The following PLAGL1 variants were observed in gnomAD, a reference collection of about 807,000 sequenced individuals.
PLAGL1 encodes zinc finger protein PLAGL1.
A neutral mutation model predicts 4.6 loss-of-function variants in PLAGL1; 1 was observed. The observed-to-expected ratio is 0.22, with a 90% CI of 0.08 to 1.03. PLAGL1 has a LOEUF of 1.03. PLAGL1 is among the 50% of genes least tolerant of loss of function. The probability of loss-of-function intolerance (pLI) is 0.58; values close to 1 mark genes in which losing one functional copy is unlikely to be tolerated. For synonymous variants in PLAGL1, 240 were observed against 237.8 expected (o/e 1.01, Z -0.08); for missense variants, 464 against 570.4 (o/e 0.81, Z 1.90).
At chr6:144,011,980 G>T (rs966115573), upstream of PLAGL1, among the ~76,000 whole-genome samples, 1 of 152,180 alleles carries the variant, frequency 6.6e-6, no homozygotes, top group Non-Finnish European at 1.5e-5. This position sits in a 1 kb window ranked among gnomAD's most constrained non-coding sequence, Gnocchi z 4.3. Flanking sequence ...GGGGACGTTT[G>T]TGAGAATTCT....
At position 143,971,852 on chromosome 6, in the gene PLAGL1, T is replaced by C. The variant is rs1206915112; in HGVS notation, c.-543-2874A>G. Among the ~76,000 whole-genome samples the C allele has an allele frequency of 6.6e-6, 1 of 152,240 alleles. No individual in the cohort carries two copies. Among genetic ancestry groups the C allele is most frequent in the Admixed American group, 6.5e-5 (1 of 15,274 alleles). On this transcript the variant is annotated intron_variant, in intron 2 of 7. Transcript: ENST00000674357. This position sits in a 1 kb window ranked among gnomAD's most constrained non-coding sequence, Gnocchi z 4.7. ...AAGTAAAAGTCTACAAAATTCTAAA[T>C]GAAAAGTTTTTTCATCTCATTAATG...
At chr6:144,044,085 T>C (rs1016890602) in intron 1 of PLAGL1, among the ~76,000 whole-genome samples, 1 of 152,218 alleles carries the variant, frequency 6.6e-6, no homozygotes, top group Non-Finnish European at 1.5e-5. Flanking sequence ...TTTATTAGCC[T>C]TGCTAGTGGT....
rs1292754021 is a variant in PLAGL1 at position 144,063,607 on chromosome 6, T to A, written c.-151+861A>T. 1.3e-5 allele frequency among the ~76,000 whole-genome samples: 2 copies of A among 152,196 alleles called. No homozygotes were observed. The highest frequency in any genetic ancestry group is 2.9e-5 in the Non-Finnish European group (2 of 68,022). On this transcript the variant is annotated intron_variant, in intron 1 of 3. Coordinates refer to the PLAGL1 transcript ENST00000437412. The surrounding 1 kb of genome is among the most constrained non-coding windows in gnomAD (Gnocchi z 5.7). ...TTTCGGTGGCCACACAGATGCTCAA[T>A]GCCACGACCCTTGAATAACTGCCAT... is the stretch of plus-strand genomic sequence containing the variant.
chr6:144,059,926 G>A lies in PLAGL1; in HGVS notation c.-151+4542C>T, dbSNP rs1372629623. Among the ~76,000 whole-genome samples the A allele has an allele frequency of 1.3e-5, 2 of 152,072 alleles. No homozygotes were observed. Among genetic ancestry groups the A allele is most frequent in the African/African-American group, 4.8e-5 (2 of 41,396 alleles). On this transcript the variant is annotated intron_variant, in intron 1 of 3. Coordinates refer to the PLAGL1 transcript ENST00000437412. The surrounding 1 kb of genome is among the most constrained non-coding windows in gnomAD (Gnocchi z 4.9). The stretch of plus-strand genomic sequence containing the variant: ...CCTAATGCCACTTCACTGTCCCCAG[G>A]TGGCCAAGGGTCTGAAAGGTCATTT...
chr6:143,947,073 A>G lies in PLAGL1; in HGVS notation c.152+912T>C, dbSNP rs115864115. Among the ~76,000 whole-genome samples, 636 of 152,324 alleles carry G rather than the reference A, an allele frequency of 4.2e-3. 4 individuals are homozygous for G. Among genetic ancestry groups the G allele is most frequent in the African/African-American group, 0.014 (574 of 41,572 alleles). ...AGGCACTCAATAAATAACTTAGACT[A>G]AATGTAATTTTTTAAAAAGACTCAT... On this transcript the variant is annotated intron_variant, in intron 7 of 7. Coordinates refer to ENST00000674357, the MANE Select transcript of PLAGL1 (RefSeq NM_001317162.2). The surrounding 1 kb of genome is among the most constrained non-coding windows in gnomAD (Gnocchi z 4.3).
Position 143,982,030 on chromosome 6 carries a change from C to T in PLAGL1, c.-544+3105G>A, listed in dbSNP as rs1788069609. Reference sequence around the variant, plus strand: ...GGTGCTGGGGATTCACCACTGTGAACAAAACACGCAAAAATTCCTACCCTT... The same window carrying T: ...GGTGCTGGGGATTCACCACTGTGAATAAAACACGCAAAAATTCCTACCCTT... On this transcript the variant is annotated intron_variant, in intron 2 of 7. Transcript: ENST00000674357. The surrounding 1 kb of genome is among the most constrained non-coding windows in gnomAD (Gnocchi z 5.3). Among the ~76,000 whole-genome samples, 1 of 152,104 alleles carries T rather than the reference C, an allele frequency of 6.6e-6. No individual in the cohort carries two copies. The highest frequency in any genetic ancestry group is 6.6e-5 in the Admixed American group (1 of 15,262).
intron 1 of PLAGL1, among the ~76,000 whole-genome samples, chr6:144,054,999 G>C (rs1452912768): frequency 6.6e-6 from 1 of 152,024 alleles, no homozygotes; most frequent in Non-Finnish European, 1.5e-5. Flanking sequence ...ATTAAAACAC[G>C]AGGAAAATGC....
Position 144,050,019 on chromosome 6 carries a change from G to T in PLAGL1, c.-151+14449C>A, listed in dbSNP as rs1397057278. ...GTGCAGATGCGAAAAATGGCAGAAG[G>T]GGGAAAGGGTGAATGGGAGGGAAGC... is the stretch of plus-strand genomic sequence containing the variant. On this transcript the variant is annotated intron_variant, in intron 1 of 3. Transcript: ENST00000437412. The surrounding 1 kb of genome is among the most constrained non-coding windows in gnomAD (Gnocchi z 4.3). 6.6e-6 allele frequency among the ~76,000 whole-genome samples: 1 copy of T among 152,146 alleles called. No individual in the cohort carries two copies. Among genetic ancestry groups the T allele is most frequent in the African/African-American group, 2.4e-5 (1 of 41,438 alleles).
In PLAGL1 at chr6:143,989,350, G is replaced by C. The variant is rs538674053; in HGVS notation, c.-583-4176C>G. Among the ~76,000 whole-genome samples the C allele has an allele frequency of 6.6e-6, 1 of 152,314 alleles. No individual in the cohort carries two copies. Among genetic ancestry groups the C allele is most frequent in the South Asian group, 2.1e-4 (1 of 4,822 alleles). On this transcript the variant is annotated intron_variant, in intron 1 of 7. Coordinates refer to ENST00000674357, the MANE Select transcript of PLAGL1 (RefSeq NM_001317162.2). This position sits in a 1 kb window ranked among gnomAD's most constrained non-coding sequence, Gnocchi z 4.8. ...CATTATTTCTGGCTACGTCCATGCA[G>C]GTATTTCTGGATGAAATCAACACTT...
At chr6:143,976,795 T>C (rs902620594) in intron 2 of PLAGL1, among the ~76,000 whole-genome samples, 2 of 152,216 alleles carry the variant, frequency 1.3e-5, no homozygotes, top group African/African-American at 4.8e-5. Context: ...GAAACACATT[T>C]TTTAATGAAA....
chr6:143,976,852 ATTAAT>A (rs141812562), intron 2 of PLAGL1, among the ~76,000 whole-genome samples: 3,380 of 152,326 alleles, frequency 0.022, 128 homozygotes, highest in African/African-American at 0.075. Flanking sequence ...CTGATGAGTT[ATTAAT>A]TTGAGACCAT....
At chr6:143,946,061 C>T (rs899984931) in intron 7 of PLAGL1, among the ~76,000 whole-genome samples, 1 of 151,796 alleles carries the variant, frequency 6.6e-6, no homozygotes, top group African/African-American at 2.4e-5. Flanking sequence ...ACTGATTCTA[C>T]CCCTGTCATA....
intron 1 of PLAGL1, among the ~76,000 whole-genome samples, chr6:143,992,985 A>AAAAC (rs747769874): frequency 1.3e-5 from 2 of 151,476 alleles, no homozygotes; most frequent in Non-Finnish European, 2.9e-5. Context: ...CCATCTCAAA[A>AAAAC]AAACAAACAA....
intron 1 of PLAGL1, among the ~76,000 whole-genome samples, chr6:144,025,210 A>G (rs1796247815): frequency 6.6e-6 from 1 of 152,224 alleles, no homozygotes; most frequent in African/African-American, 2.4e-5. Flanking sequence ...AAAAAACATT[A>G]AACACACCCA....
At position 144,047,976 on chromosome 6, in the gene PLAGL1, G is replaced by A. The variant is rs374301118; in HGVS notation, c.-151+16492C>T. On this transcript the variant is annotated intron_variant, in intron 1 of 3. Coordinates refer to the PLAGL1 transcript ENST00000437412. The stretch of plus-strand genomic sequence containing the variant: ...TAGCTACTTCCCAGATACAATGAGG[G>A]TACAAGCATTAGATAAATGCTCCCA... Among the ~76,000 whole-genome samples the A allele has an allele frequency of 1.2e-4, 18 of 152,258 alleles. No homozygotes were observed. The East Asian group carries it at 3.3e-3, about 28-fold the overall frequency.
At chr6:143,943,623 C>G (rs1562375763) in intron 7 of PLAGL1, among the ~76,000 whole-genome samples, 7 of 151,586 alleles carry the variant, frequency 4.6e-5, no homozygotes, top group Admixed American at 3.3e-4. Flanking sequence ...AATTTTCCCT[C>G]TAAGACACCT....
In PLAGL1 at chr6:143,949,645, A is replaced by G. The variant is rs1409961254; in HGVS notation, c.-324-1185T>C. 6.6e-6 allele frequency among the ~76,000 whole-genome samples: 1 copy of G among 152,180 alleles called. No homozygotes were observed. Among genetic ancestry groups the G allele is most frequent in the Non-Finnish European group, 1.5e-5 (1 of 68,028 alleles). ...GCAAATGCTCACCTTTCAAGTGCCA[A>G]TACTTAAAAAAATTAAGAGTACTGT... On this transcript the variant is annotated intron_variant, in intron 6 of 7. Coordinates refer to ENST00000674357, the MANE Select transcript of PLAGL1 (RefSeq NM_001317162.2). This position sits in a 1 kb window ranked among gnomAD's most constrained non-coding sequence, Gnocchi z 5.3.
chr6:143,962,847 T>C lies in PLAGL1; in HGVS notation c.-399+1940A>G, dbSNP rs1347456908. On this transcript the variant is annotated intron_variant, in intron 5 of 7. Coordinates refer to ENST00000674357, the MANE Select transcript of PLAGL1 (RefSeq NM_001317162.2). This position sits in a 1 kb window ranked among gnomAD's most constrained non-coding sequence, Gnocchi z 5.3. ...TGGGCAACCCTCAAACACTGGGAAG[T>C]CTGCCCTGGTTTTCAGTGAAAGAAT... 1.3e-5 allele frequency among the ~76,000 whole-genome samples: 2 copies of C among 152,226 alleles called. No homozygotes were observed. Among genetic ancestry groups the C allele is most frequent in the Non-Finnish European group, 2.9e-5 (2 of 68,036 alleles).
rs1788181190 is a variant in PLAGL1 at position 143,982,511 on chromosome 6, TTAACAGTTTTAAA to T, written c.-544+2611_-544+2623del. Among the ~76,000 whole-genome samples, 1 of 152,174 alleles carries T rather than the reference TTAACAGTTTTAAA, an allele frequency of 6.6e-6. No individual in the cohort carries two copies. Among genetic ancestry groups the T allele is most frequent in the South Asian group, 2.1e-4 (1 of 4,836 alleles). Reference sequence around the variant, plus strand: ...GAGCAGAAAAGTAACACGATCAGACTTAACAGTTTTAAATAATTTATCGGGCTGTTGTGTGGAG... The same window carrying T: ...GAGCAGAAAAGTAACACGATCAGACTTAATTTATCGGGCTGTTGTGTGGAG... On this transcript the variant is annotated intron_variant, in intron 2 of 7. Transcript: ENST00000674357. This position sits in a 1 kb window ranked among gnomAD's most constrained non-coding sequence, Gnocchi z 5.3.
Sources: allele counts gnomAD v4.1 joint callset (sites outside exome capture counted in the v4.1 genomes callset), GRCh38; gene constraint gnomAD v4.1.1; non-coding constraint Gnocchi (gnomAD v3.1); transcripts MANE v1.5; gene names NCBI Gene and HGNC (gene_info 2026-07-23, HGNC 2026-07-21).